NDUFAF6: variants seen among roughly 807,000 people sequenced by gnomAD.
NDUFAF6 encodes NADH:ubiquinone oxidoreductase complex assembly factor 6.
In NDUFAF6, 45 loss-of-function variants were observed where a neutral mutation model predicts 40.8. The ratio of observed to expected loss-of-function variants is 1.10; its 90% CI spans 0.87 to 1.42. The LOEUF (loss-of-function observed/expected upper bound fraction) is 1.42, where lower values mean the gene tolerates loss of function less well. Among genes scored for constraint, NDUFAF6 ranks in the 40% most tolerant of loss-of-function variants. NDUFAF6 has a pLI of 0.00. For missense variants in NDUFAF6, 435 were observed against 418.5 expected, an observed-to-expected ratio of 1.04 and a Z score of -0.34; for synonymous variants, 185 against 155.9, an observed-to-expected ratio of 1.19 and a Z score of -1.39.
At chr8:94,901,287 C>G (rs1045038123) in intron 1 of NDUFAF6, among the ~76,000 whole-genome samples, 1 of 151,904 alleles carries the variant, frequency 6.6e-6, no homozygotes, top group Non-Finnish European at 1.5e-5. Flanking sequence ...CTATGTGAAG[C>G]GTAGACTCCA....
At chr8:94,898,743 C>T (rs545629774) in intron 1 of NDUFAF6, among the ~76,000 whole-genome samples, 103 of 152,254 alleles carry the variant, frequency 6.8e-4, no homozygotes, top group African/African-American at 2.3e-3. Flanking sequence ...TTAATTTATT[C>T]TGCATTAGAG....
intron 9 of NDUFAF6, among the ~76,000 whole-genome samples, chr8:95,070,304 T>C (rs1587229364): frequency 6.6e-6 from 1 of 152,220 alleles, no homozygotes; most frequent in South Asian, 2.1e-4. Context: ...GTTAAGTTAG[T>C]TAATAATTGT....
At chr8:94,978,345 AG>A (rs888611426) in intron 1 of NDUFAF6, among the ~76,000 whole-genome samples, 6 of 152,200 alleles carry the variant, frequency 3.9e-5, no homozygotes, top group Admixed American at 3.9e-4. Context: ...TCTTGCCCTC[AG>A]GACACTTTTG....
At chr8:95,094,784 C>T (rs1350543124) in intron 2 of NDUFAF6, among the ~76,000 whole-genome samples, 1 of 135,278 alleles carries the variant, frequency 7.4e-6, no homozygotes, top group African/African-American at 2.8e-5. Flanking sequence ...ATAGGGTCTT[C>T]GTCTGTTATC....
At chr8:95,036,199 A>T (rs756881235) in intron 3 of NDUFAF6, 35 of 898,864 alleles carry the variant, frequency 3.9e-5, no homozygotes, top group Non-Finnish European at 5.0e-5. Flanking sequence ...TGGATCCCTC[A>T]CTCATAAGCA....
chr8:95,079,800 C>T (rs948021589), downstream of NDUFAF6, among the ~76,000 whole-genome samples: 3 of 151,674 alleles, frequency 2.0e-5, no homozygotes, highest in East Asian at 3.9e-4. Context: ...TTGCAACCTC[C>T]GTCTCCCAGG....
intron 9 of NDUFAF6, chr8:95,075,521 C>A: frequency 1.3e-6 from 1 of 775,668 alleles, no homozygotes; most frequent in Non-Finnish European, 1.9e-6. Context: ...CTTTTTGGAG[C>A]TGGGATTTTA....
chr8:94,980,504 T>C (rs1270812668), intron 1 of NDUFAF6, among the ~76,000 whole-genome samples: 2 of 143,992 alleles, frequency 1.4e-5, no homozygotes, highest in Non-Finnish European at 3.0e-5. Flanking sequence ...AGTGCAGTGG[T>C]GTGATCTCGG....
At chr8:95,115,419 CT>C (rs760246485) in intron 4 of NDUFAF6, 1 of 152,034 alleles carries the variant, frequency 6.6e-6, no homozygotes, top group Non-Finnish European at 1.5e-5. Flanking sequence ...TTCTTGGAGA[CT>C]TCTCTAGCTG....
intron 2 of NDUFAF6, among the ~76,000 whole-genome samples, 176 bp from the exon 3 acceptor site, chr8:95,035,278 A>G (rs1170979826): frequency 6.6e-6 from 1 of 152,254 alleles, no homozygotes; most frequent in Non-Finnish European, 1.5e-5. Context: ...TTAAAAGTAC[A>G]TGCAGTAAAA....
chr8:94,906,685 G>A (rs780369740), intron 1 of NDUFAF6, among the ~76,000 whole-genome samples: 17 of 152,168 alleles, frequency 1.1e-4, no homozygotes, highest in Non-Finnish European at 2.5e-4. Flanking sequence ...GGAGTGTCCT[G>A]GTTTAAGTCG....
chr8:94,948,928 G>T (rs1340120535), intron 2 of NDUFAF6, among the ~76,000 whole-genome samples: 1 of 151,248 alleles, frequency 6.6e-6, no homozygotes, highest in Non-Finnish European at 1.5e-5. Context: ...GCCTCTGTCC[G>T]CGCCCTGGGC....
intron 1 of NDUFAF6, among the ~76,000 whole-genome samples, chr8:94,944,828 G>A (rs553707569): frequency 3.6e-4 from 55 of 152,240 alleles, no homozygotes; most frequent in African/African-American, 1.3e-3. Context: ...GGAAAATGGG[G>A]AGACTGCGCT....
intron 2 of NDUFAF6, among the ~76,000 whole-genome samples, chr8:94,948,859 C>A (rs990223222): frequency 6.6e-6 from 1 of 151,984 alleles, no homozygotes; most frequent in Non-Finnish European, 1.5e-5. Context: ...AAACTCCCAA[C>A]CGCCGCCCAG....
upstream of NDUFAF6, among the ~76,000 whole-genome samples, chr8:95,097,840 G>C (rs1349550740): frequency 6.6e-6 from 1 of 152,246 alleles, no homozygotes; most frequent in African/African-American, 2.4e-5. Flanking sequence ...GCACTGGCAA[G>C]CTTAGGATCT....
At chr8:95,033,540 G>T (rs1234883814) in intron 2 of NDUFAF6, among the ~76,000 whole-genome samples, 1 of 152,090 alleles carries the variant, frequency 6.6e-6, no homozygotes, top group East Asian at 1.9e-4. Context: ...CATAAAACAG[G>T]GTCTGCACTC....
At chr8:94,898,598 G>C (rs521129) in intron 1 of NDUFAF6, among the ~76,000 whole-genome samples, 7,571 of 152,260 alleles carry the variant, frequency 0.05, 248 homozygotes, top group Middle Eastern at 0.065. Flanking sequence ...GGTAATGTTT[G>C]TCAGGTTTCT....
intron 1 of NDUFAF6, among the ~76,000 whole-genome samples, chr8:94,972,273 G>A (rs922200406): frequency 4.5e-4 from 68 of 151,984 alleles, no homozygotes; most frequent in African/African-American, 1.6e-3. Context: ...ACTGAGTCTC[G>A]CTCCATTGCA....
chr8:94,998,102 C>T (rs1826538730), intron 2 of NDUFAF6, among the ~76,000 whole-genome samples: 1 of 152,062 alleles, frequency 6.6e-6, no homozygotes, highest in African/African-American at 2.4e-5. Context: ...AAAATAAAGA[C>T]TCTTTTAAAA....
Sources: allele counts gnomAD v4.1 joint callset (sites outside exome capture counted in the v4.1 genomes callset), GRCh38; gene constraint gnomAD v4.1.1; transcripts MANE v1.5; gene names NCBI Gene and HGNC (gene_info 2026-07-23, HGNC 2026-07-21).